The following AP1S3 variants were observed in gnomAD, a reference collection of about 807,000 sequenced individuals.
AP1S3 encodes the protein AP-1 complex subunit sigma-3.
A neutral mutation model predicts 20.9 loss-of-function variants in AP1S3; 10 were observed. The ratio of observed to expected loss-of-function variants is 0.48; its 90% CI spans 0.29 to 0.81. The LOEUF is 0.81. Ranked by LOEUF, AP1S3 falls within the 30% of genes least tolerant of loss-of-function variation. The probability of loss-of-function intolerance (pLI) is 0.08; values close to 1 mark genes in which losing one functional copy is unlikely to be tolerated. For missense variants in AP1S3, 154 were observed against 183.8 expected (o/e 0.84, Z 0.94); for synonymous variants, 41 against 61.5 (o/e 0.67, Z 1.56).
intron 1 of AP1S3, among the ~76,000 whole-genome samples, chr2:223,811,635 T>C (rs923369252): frequency 6.6e-6 from 1 of 152,160 alleles, no homozygotes; most frequent in Non-Finnish European, 1.5e-5. Flanking sequence ...CAGGTTGTTT[T>C]GGGCCCCATT....
At chr2:223,759,048 C>T (rs1690290151) in intron 4 of AP1S3, among the ~76,000 whole-genome samples, 1 of 152,126 alleles carries the variant, frequency 6.6e-6, no homozygotes, top group South Asian at 2.1e-4. Flanking sequence ...AATACCAGCA[C>T]TTTGGGAGGC....
chr2:223,824,631 A>C (rs997872941), intron 1 of AP1S3, among the ~76,000 whole-genome samples: 1 of 151,762 alleles, frequency 6.6e-6, no homozygotes, highest in Non-Finnish European at 1.5e-5. Context: ...TCCCCCTCCC[A>C]GGTCCAAGTG....
At position 223,780,355 on chromosome 2, in the gene AP1S3, A is replaced by AGTGTGTGT. The variant is rs1559280876; in HGVS notation, c.4-2487_4-2486insACACACAC. 5.3e-4 allele frequency among the ~76,000 whole-genome samples: 29 copies of AGTGTGTGT among 54,956 alleles called. No homozygotes were observed. In the East Asian group the frequency reaches 6.1e-3, roughly 12 times the overall value. 36.1% of individuals were successfully genotyped at this position (54,956 alleles called of 152,430 possible). A position where few individuals can be genotyped will look rare whatever the true frequency, so the allele number is the denominator to read the frequency against. On this transcript the variant is annotated intron_variant, in intron 1 of 4. Coordinates refer to ENST00000396654, the MANE Select transcript of AP1S3 (RefSeq NM_001039569.2). ...GAGAGAGAGAGAGAGAGAGAGAGAG[A>AGTGTGTGT]GAGTGTGTGTGTGTGTGTGTGTGTG...
At chr2:223,828,058 T>TAAAAAAAAAAAAAA (rs527671959) in intron 1 of AP1S3, among the ~76,000 whole-genome samples, 8 of 94,674 alleles carry the variant, frequency 8.5e-5, no homozygotes, top group South Asian at 3.3e-4. Flanking sequence ...AGACTTCATC[T>TAAAAAAAAAAAAAA]AAAAAAAAAA....
intron 1 of AP1S3, among the ~76,000 whole-genome samples, chr2:223,786,409 A>G (rs1231149570): frequency 6.6e-6 from 1 of 152,178 alleles, no homozygotes; most frequent in Non-Finnish European, 1.5e-5. Context: ...TTGTTTTTAC[A>G]GCAGGTGCGA....
rs116729718 is a variant in AP1S3 at position 223,786,018 on chromosome 2, A to G, written c.4-8149T>C. On this transcript the variant is annotated intron_variant, in intron 1 of 4. Coordinates refer to ENST00000396654, the MANE Select transcript of AP1S3 (RefSeq NM_001039569.2). ...GTTGCAGCAGGTGTACTACTCTGGT[A>G]GGGGACGTTGATAATGGGAGAGACT... is the stretch of plus-strand genomic sequence containing the variant. Among the ~76,000 whole-genome samples the G allele has an allele frequency of 4.9e-3, 744 of 152,298 alleles. 9 individuals carry two copies. The highest frequency in any genetic ancestry group is 0.017 in the African/African-American group (701 of 41,576).
chr2:223,779,589 A>G (rs766198923), intron 1 of AP1S3, among the ~76,000 whole-genome samples: 40 of 152,194 alleles, frequency 2.6e-4, no homozygotes, highest in Non-Finnish European at 5.3e-4. Context: ...AATAAAGTGC[A>G]TTGTTTCAGT....
intron 4 of AP1S3, among the ~76,000 whole-genome samples, chr2:223,759,358 G>A (rs756273234): frequency 1.3e-5 from 2 of 151,994 alleles, no homozygotes; most frequent in African/African-American, 4.8e-5. Flanking sequence ...GTTGACTTAA[G>A]ATAAACACGT....
chr2:223,834,768 A>T (rs943716607), intron 1 of AP1S3, among the ~76,000 whole-genome samples: 1 of 152,118 alleles, frequency 6.6e-6, no homozygotes, highest in East Asian at 1.9e-4. Flanking sequence ...ATAAATAAAT[A>T]AAAAGAAAAA....
intron 4 of AP1S3, among the ~76,000 whole-genome samples, chr2:223,760,885 T>A (rs1690337707): frequency 6.6e-6 from 1 of 152,194 alleles, no homozygotes; most frequent in Non-Finnish European, 1.5e-5. Flanking sequence ...TTTTGCAAAG[T>A]GGACAAAAAC....
chr2:223,810,152 T>C (rs891028170), intron 1 of AP1S3, among the ~76,000 whole-genome samples: 10 of 152,160 alleles, frequency 6.6e-5, no homozygotes, highest in Admixed American at 2.6e-4. Context: ...TATTAAACTG[T>C]TCAGGACAAG....
chr2:223,828,061 A>T (rs1692174072), intron 1 of AP1S3, among the ~76,000 whole-genome samples: 1 of 23,888 alleles, frequency 4.2e-5, no homozygotes, highest in Non-Finnish European at 6.5e-5. Flanking sequence ...CTTCATCTAA[A>T]AAAAAAAAAA....
At chr2:223,784,989 G>C (rs752810674) in intron 1 of AP1S3, among the ~76,000 whole-genome samples, 15 of 152,068 alleles carry the variant, frequency 9.9e-5, no homozygotes, top group Non-Finnish European at 1.9e-4. Context: ...TCCAATAATA[G>C]AGTTTAAATG....
rs112088513 is a variant in AP1S3, at chr2:223,793,461, C to T, written c.4-15592G>A. On this transcript the variant is annotated intron_variant, in intron 1 of 4. Transcript: ENST00000396654. ...GCTGGAAGCCATTATCCTCAGCAAA[C>T]GAACGCAGAAACAAAAAACCAAGTA... 2.0e-3 allele frequency among the ~76,000 whole-genome samples: 310 copies of T among 152,176 alleles called. 1 individual carries two copies. The highest frequency in any genetic ancestry group is 6.7e-3 in the African/African-American group (278 of 41,520).
At position 223,757,770 on chromosome 2, in the gene AP1S3, A is replaced by T. The variant is rs988934791; in HGVS notation, c.*945T>A. ...AAAGGAATCTACCATATAGGCTGTG[A>T]TAATCTTAAATGCTCTAAGTAAGCC... On this transcript the variant is annotated 3_prime_UTR_variant, in exon 5 of 5. Coordinates refer to ENST00000396654, the MANE Select transcript of AP1S3 (RefSeq NM_001039569.2). The T allele has an allele frequency of 5.1e-6, 5 of 985,356 alleles. No individual in the cohort carries two copies. The African/African-American group carries it at 8.7e-5, about 17-fold the overall frequency. The allele number at this position is 985,356 out of a possible 1,614,324, so 61.0% of individuals were successfully genotyped here.
chr2:223,791,615 A>G (rs1302904543), intron 1 of AP1S3, among the ~76,000 whole-genome samples: 1 of 152,198 alleles, frequency 6.6e-6, no homozygotes, highest in Non-Finnish European at 1.5e-5. Context: ...CCTCTTGAAA[A>G]CCAGCACAAG....
rs1690225728 is a variant in AP1S3, at chr2:223,756,486, A to AAAG, written c.*2228_*2229insCTT. On this transcript the variant is annotated 3_prime_UTR_variant, in exon 5 of 5. Coordinates refer to ENST00000396654, the MANE Select transcript of AP1S3 (RefSeq NM_001039569.2). ...GAAAGAAAAGAAAGAAAGAAAGAAAAAAAGAAAGAAAAAATTCTAACACAT... is the reference window on the plus strand; with the variant it reads ...GAAAGAAAAGAAAGAAAGAAAGAAAAAAGAAAGAAAGAAAAAATTCTAACACAT... 1 of 877,572 alleles carries AAAG rather than the reference A, an allele frequency of 1.1e-6. No homozygotes were observed. Among genetic ancestry groups the AAAG allele is most frequent in the Non-Finnish European group, 1.3e-6 (1 of 765,234 alleles). The allele number at this position is 877,572 out of a possible 1,614,324, so 54.4% of individuals were successfully genotyped here.
intron 1 of AP1S3, among the ~76,000 whole-genome samples, chr2:223,807,867 C>CTTTTTT (rs138805104): frequency 0.014 from 625 of 43,274 alleles, 99 homozygotes; most frequent in East Asian, 0.035. Context: ...CATTTCTTTT[C>CTTTTTT]TTTTTTTTTT....
At chr2:223,797,778 A>G (rs1215520070) in intron 1 of AP1S3, among the ~76,000 whole-genome samples, 1 of 152,162 alleles carries the variant, frequency 6.6e-6, no homozygotes, top group Non-Finnish European at 1.5e-5. Flanking sequence ...AAAAATAAAT[A>G]AAATAAAATA....
Sources: allele counts gnomAD v4.1 joint callset (sites outside exome capture counted in the v4.1 genomes callset), GRCh38; gene constraint gnomAD v4.1.1; transcripts MANE v1.5; gene names NCBI Gene and HGNC (gene_info 2026-07-23, HGNC 2026-07-21).